The following EMILIN2 variants were observed in gnomAD, a reference collection of about 807,000 sequenced individuals.
The protein encoded by EMILIN2 is EMILIN-2.
A neutral mutation model predicts 87.1 loss-of-function variants in EMILIN2; 71 were observed. That is an observed-to-expected ratio of 0.82 (90% CI 0.67 to 0.99). The LOEUF (loss-of-function observed/expected upper bound fraction) is 0.99, where lower values mean the gene tolerates loss of function less well. EMILIN2 is among the 50% of genes least tolerant of loss of function. The probability of loss-of-function intolerance (pLI) is 0.00; values close to 1 mark genes in which losing one functional copy is unlikely to be tolerated. For missense variants in EMILIN2, 1,407 were observed against 1,371.8 expected, an observed-to-expected ratio of 1.03 and a Z score of -0.40; for synonymous variants, 581 against 563.4, an observed-to-expected ratio of 1.03 and a Z score of -0.44.
rs1023861788 is a variant in EMILIN2 at position 2,913,569 on chromosome 18, G to A, written c.*165G>A. ...AGGCCACCATGCCTTACTGCATCCAGCCAGGCTGCAGGGAGTGAGGCACAC... is the reference window on the plus strand; with the variant it reads ...AGGCCACCATGCCTTACTGCATCCAACCAGGCTGCAGGGAGTGAGGCACAC... On this transcript the variant is annotated 3_prime_UTR_variant, in exon 8 of 8. Coordinates refer to ENST00000254528, the MANE Select transcript of EMILIN2 (RefSeq NM_032048.3). 1 of 604,860 alleles carries A rather than the reference G, an allele frequency of 1.7e-6. No individual in the cohort carries two copies. The highest frequency in any genetic ancestry group is 2.8e-6 in the Non-Finnish European group (1 of 351,894). The allele number at this position is 604,860 out of a possible 1,614,324, so 37.5% of individuals were successfully genotyped here. A position where few individuals can be genotyped will look rare whatever the true frequency, so the allele number is the denominator to read the frequency against.
At chr18:2,867,845 C>T (rs548467994) in intron 2 of EMILIN2, among the ~76,000 whole-genome samples, 23 of 152,370 alleles carry the variant, frequency 1.5e-4, no homozygotes, top group Non-Finnish European at 2.6e-4. Context: ...CATCATGGCC[C>T]GTTCTCAATG....
chr18:2,864,568 G>A (rs1381340619), intron 2 of EMILIN2, among the ~76,000 whole-genome samples: 2 of 152,098 alleles, frequency 1.3e-5, no homozygotes, highest in East Asian at 3.9e-4. Flanking sequence ...TTCTTGTAGA[G>A]TTTCTGCTGA....
intron 7 of EMILIN2, 118 bp downstream of exon 7, chr18:2,909,937 T>C: frequency 7.2e-7 from 1 of 1,389,334 alleles, no homozygotes; most frequent in Non-Finnish European, 9.8e-7. Context: ...GACGCCACCC[T>C]GGAGCAGATG....
At chr18:2,884,585 G>C (rs2076794068) in intron 2 of EMILIN2, among the ~76,000 whole-genome samples, 1 of 152,224 alleles carries the variant, frequency 6.6e-6, no homozygotes, top group Admixed American at 6.5e-5. Context: ...ACAATCTCTA[G>C]TGACACCTGA....
In EMILIN2 at chr18:2,848,942, C is replaced by T. The variant is rs765479299; in HGVS notation, c.257+1011C>T. On this transcript the variant is annotated intron_variant, in intron 2 of 7. Transcript: ENST00000254528. This position sits in a 1 kb window ranked among gnomAD's most constrained non-coding sequence, Gnocchi z 4.1. ...AGCCTGTAGTCTTATGGGAAGTGGT[C>T]GCTGGGTCCACCCCACGTGGGCTTC... Among the ~76,000 whole-genome samples, 2 of 152,112 alleles carry T rather than the reference C, an allele frequency of 1.3e-5. No homozygotes were observed. The highest frequency in any genetic ancestry group is 2.9e-5 in the Non-Finnish European group (2 of 68,024).
chr18:2,866,124 A>AG (rs2076685573), intron 2 of EMILIN2, among the ~76,000 whole-genome samples: 1 of 152,218 alleles, frequency 6.6e-6, no homozygotes, highest in African/African-American at 2.4e-5. Context: ...TTCTTTGATT[A>AG]GGAAAGGGAA....
At chr18:2,868,333 G>A (rs1442131517) in intron 2 of EMILIN2, among the ~76,000 whole-genome samples, 5 of 151,958 alleles carry the variant, frequency 3.3e-5, no homozygotes, top group South Asian at 2.1e-4. Flanking sequence ...CCAGGCAGAG[G>A]GGCTCCTCAC....
chr18:2,883,060 A>G (rs2076785021), intron 2 of EMILIN2, among the ~76,000 whole-genome samples: 1 of 152,152 alleles, frequency 6.6e-6, no homozygotes, highest in Non-Finnish European at 1.5e-5. Flanking sequence ...AAACACAACA[A>G]AAACCAAAGG....
intron 3 of EMILIN2, among the ~76,000 whole-genome samples, chr18:2,889,692 CTTTTTTTTTT>C (rs34248672): frequency 1.0e-5 from 1 of 96,666 alleles, no homozygotes; most frequent in Non-Finnish European, 2.0e-5. Flanking sequence ...TTTTTCTTTT[CTTTTTTTTTT>C]TTTTTTTTTT....
At position 2,891,868 on chromosome 18, in the gene EMILIN2, C is replaced by T. The variant is rs139273490; in HGVS notation, c.1741C>T (p.His581Tyr). 47 of 1,614,276 alleles carry T rather than the reference C, an allele frequency of 2.9e-5. No homozygotes were observed. The African/African-American group carries it at 5.1e-4, about 17-fold the overall frequency. Residue 581 changes from histidine to tyrosine, a missense_variant, in exon 4 of 8, where the codon CAC becomes TAC. His to Tyr is a moderately conservative substitution (Grantham distance 83, BLOSUM62 2). Coordinates refer to ENST00000254528, the MANE Select transcript of EMILIN2 (RefSeq NM_032048.3). This position sits in a 1 kb window ranked among gnomAD's most constrained non-coding sequence, Gnocchi z 4.6. ...AGACCGCGCAGTACGCGACAGCCTG[C>T]ACCTTTTGAAATCTCTCAACGACAC... ...REDRAVRDSL[H>Y]LLKSLNDTMH...
intron 2 of EMILIN2, among the ~76,000 whole-genome samples, chr18:2,852,613 G>A (rs144977982): frequency 1.1e-4 from 17 of 152,120 alleles, no homozygotes; most frequent in African/African-American, 4.1e-4. Flanking sequence ...CCACCTCCTG[G>A]GTTCAAGCGA....
intron 7 of EMILIN2, among the ~76,000 whole-genome samples, chr18:2,911,202 A>G (rs75872382): frequency 6.6e-6 from 1 of 152,182 alleles, no homozygotes; most frequent in East Asian, 1.9e-4. Context: ...GGTCTTATAC[A>G]TTGGCATGCT....
chr18:2,847,369 G>C lies in EMILIN2; in HGVS notation c.134+47G>C. 9 of 1,260,448 alleles carry C rather than the reference G, an allele frequency of 7.1e-6. No individual in the cohort carries two copies. Among genetic ancestry groups the C allele is most frequent in the Non-Finnish European group, 9.0e-6 (9 of 1,000,688 alleles). The allele number at this position is 1,260,448 out of a possible 1,614,324, so 78.1% of individuals were successfully genotyped here. ...GGCCCCAAACCGCCTACCCCTCCCCGGCCCCCAGTTGAGCCCCAGAGCTGC... is the reference window on the plus strand; with the variant it reads ...GGCCCCAAACCGCCTACCCCTCCCCCGCCCCCAGTTGAGCCCCAGAGCTGC... On this transcript the variant is annotated intron_variant, in intron 1 of 7. Transcript: ENST00000254528. The surrounding 1 kb of genome is among the most constrained non-coding windows in gnomAD (Gnocchi z 4.5).
intron 3 of EMILIN2, among the ~76,000 whole-genome samples, chr18:2,889,670 ATTCTTC>A (rs1242704444): frequency 8.1e-6 from 1 of 123,156 alleles, no homozygotes; most frequent in Non-Finnish European, 1.8e-5. Context: ...CAATGTTTGC[ATTCTTC>A]TTCTTTTTTT....
rs1303366840 is a variant in EMILIN2 at position 2,913,806 on chromosome 18, CTGTCTTTACACTGCA to C, written c.*405_*419del. 5.8e-5 allele frequency: 11 copies of C among 189,762 alleles called. No individual in the cohort carries two copies. Among genetic ancestry groups the C allele is most frequent in the Non-Finnish European group, 1.2e-4 (11 of 91,100 alleles). The allele number at this position is 189,762 out of a possible 1,614,324, so 11.8% of individuals were successfully genotyped here. On this transcript the variant is annotated 3_prime_UTR_variant, in exon 8 of 8. Coordinates refer to ENST00000254528, the MANE Select transcript of EMILIN2 (RefSeq NM_032048.3). Reference sequence around the variant, plus strand: ...GCAGGGCAGCACTGTGGCCAGCTGTCTGTCTTTACACTGCATGCAGAAGTTTAAACACTGAAGTGC... The same window carrying C: ...GCAGGGCAGCACTGTGGCCAGCTGTCTGCAGAAGTTTAAACACTGAAGTGC...
chr18:2,901,387 G>A (rs1054810795), intron 4 of EMILIN2, among the ~76,000 whole-genome samples: 2 of 152,222 alleles, frequency 1.3e-5, no homozygotes, highest in African/African-American at 2.4e-5. Flanking sequence ...GAAGACACTC[G>A]TTTTTAGCAC....
chr18:2,855,109 C>T (rs2076620613), intron 2 of EMILIN2, among the ~76,000 whole-genome samples: 1 of 152,222 alleles, frequency 6.6e-6, no homozygotes, highest in African/African-American at 2.4e-5. Context: ...GCGCCCAGCC[C>T]TCGAGAGCTG....
chr18:2,891,664 G>C lies in EMILIN2; in HGVS notation c.1537G>C (p.Gly513Arg), dbSNP rs1017621615. 6.2e-7 allele frequency: 1 copy of C among 1,614,124 alleles called. No individual in the cohort carries two copies. The highest frequency in any genetic ancestry group is 8.5e-7 in the Non-Finnish European group (1 of 1,180,042). The change falls in exon 4 of 8, where the codon GGT (glycine) becomes CGT (arginine). Residue 513 changes from glycine (G) to arginine (R), a missense_variant. Coordinates refer to ENST00000254528, the MANE Select transcript of EMILIN2 (RefSeq NM_032048.3). This position sits in a 1 kb window ranked among gnomAD's most constrained non-coding sequence, Gnocchi z 4.6. ...SVLLQMTNNTGAELSPPGAAA... is the reference protein window; with the variant it reads ...SVLLQMTNNTRAELSPPGAAA... ...TCTCCTACAGATGACCAATAACACT[G>C]GTGCAGAGCTCAGTCCCCCAGGGGC...
At position 2,891,500 on chromosome 18, in the gene EMILIN2, A is replaced by G. The variant is rs373245897; in HGVS notation, c.1373A>G (p.Asn458Ser). ...TGGAATGAACTCGATGCAAGGATCA[A>G]TGTGACGGAGAAGAACGCTGAAGAA... ...AKWNELDARI[N>S]VTEKNAEEHC... Residue 458 changes from asparagine to serine, a missense_variant, in exon 4 of 8, where the codon AAT (asparagine) becomes AGT (serine). Coordinates refer to ENST00000254528, the MANE Select transcript of EMILIN2 (RefSeq NM_032048.3). This position sits in a 1 kb window ranked among gnomAD's most constrained non-coding sequence, Gnocchi z 4.6. 5.0e-6 allele frequency: 8 copies of G among 1,614,124 alleles called. No individual in the cohort carries two copies. In the African/African-American group the frequency reaches 6.7e-5, roughly 13 times the overall value.
Sources: allele counts gnomAD v4.1 joint callset (sites outside exome capture counted in the v4.1 genomes callset), GRCh38; gene constraint gnomAD v4.1.1; non-coding constraint Gnocchi (gnomAD v3.1); transcripts MANE v1.5; gene names NCBI Gene and HGNC (gene_info 2026-07-23, HGNC 2026-07-21).